The following WIF1 variants were observed in gnomAD, a reference collection of about 807,000 sequenced individuals.
The protein encoded by WIF1 is Wnt inhibitory factor 1.
A neutral mutation model predicts 53.5 loss-of-function variants in WIF1; 35 were observed. That is an observed-to-expected ratio of 0.65 (90% CI 0.50 to 0.87). The LOEUF is 0.87. Among genes scored for constraint, WIF1 ranks in the 40% least tolerant of loss-of-function variants. The pLI, the probability that WIF1 is intolerant of heterozygous loss-of-function variation, is 0.00. For synonymous variants in WIF1, 171 were observed against 170.4 expected (o/e 1.00, Z -0.03); for missense variants, 467 against 476.8 (o/e 0.98, Z 0.19).
chr12:65,099,342 A>C (rs1883247423), intron 2 of WIF1, among the ~76,000 whole-genome samples: 2 of 152,084 alleles, frequency 1.3e-5, no homozygotes, highest in South Asian at 4.1e-4. Flanking sequence ...AGACCTGCCC[A>C]TTTCCCTCCT....
chr12:65,090,999 A>G (rs942232712), intron 2 of WIF1, among the ~76,000 whole-genome samples: 5 of 152,154 alleles, frequency 3.3e-5, no homozygotes, highest in African/African-American at 7.2e-5. Context: ...AAGGTTCAGA[A>G]TGAAAGCAGG....
chr12:65,065,946 A>G (rs949942326), intron 6 of WIF1, among the ~76,000 whole-genome samples: 1 of 152,142 alleles, frequency 6.6e-6, no homozygotes, highest in Admixed American at 6.6e-5. Flanking sequence ...TCTCTCTGGG[A>G]TGTGATTTGT....
chr12:65,061,495 T>C (rs1367908838), intron 7 of WIF1, among the ~76,000 whole-genome samples: 1 of 152,192 alleles, frequency 6.6e-6, no homozygotes. Context: ...GCTTTGGTGC[T>C]ATCTGTTCTT....
At chr12:65,101,481 G>T (rs530980214) in intron 2 of WIF1, among the ~76,000 whole-genome samples, 1 of 152,220 alleles carries the variant, frequency 6.6e-6, no homozygotes, top group East Asian at 1.9e-4. Context: ...AGCCAATAGA[G>T]AAACCAGGCA....
chr12:65,056,995 C>T (rs1230973072), intron 7 of WIF1, among the ~76,000 whole-genome samples: 1 of 152,094 alleles, frequency 6.6e-6, no homozygotes, highest in African/African-American at 2.4e-5. Flanking sequence ...TAAGTCTATA[C>T]CTGTACCTGA....
intron 9 of WIF1, among the ~76,000 whole-genome samples, chr12:65,053,938 C>T (rs1246810870): frequency 6.6e-6 from 1 of 151,846 alleles, no homozygotes; most frequent in African/African-American, 2.4e-5. Flanking sequence ...TTTCCACACT[C>T]ACTGGGTTGC....
intron 2 of WIF1, among the ~76,000 whole-genome samples, chr12:65,118,186 A>G (rs956279370): frequency 7.9e-5 from 12 of 152,232 alleles, no homozygotes; most frequent in African/African-American, 2.9e-4. Context: ...AATATTTGAT[A>G]TCATTTGGAT....
intron 6 of WIF1, 21 bp from the exon 7 acceptor site, chr12:65,062,597 G>A (rs747520951): frequency 6.3e-7 from 1 of 1,587,652 alleles, no homozygotes; most frequent in Non-Finnish European, 8.6e-7. Flanking sequence ...GAGTAACAGG[G>A]GTGTTGCATT....
chr12:65,087,238 CT>C (rs2136627614), intron 2 of WIF1, among the ~76,000 whole-genome samples: 1 of 152,258 alleles, frequency 6.6e-6, no homozygotes, highest in Admixed American at 6.5e-5. Context: ...ATCTAATTCC[CT>C]TGTTCTCTCC....
At chr12:65,096,100 A>C (rs948897516) in intron 2 of WIF1, among the ~76,000 whole-genome samples, 4 of 152,202 alleles carry the variant, frequency 2.6e-5, no homozygotes, top group Non-Finnish European at 5.9e-5. Context: ...AATGGGAGAA[A>C]ATTTTTGCAA....
chr12:65,067,145 T>C (rs1882698480), intron 5 of WIF1, among the ~76,000 whole-genome samples: 1 of 152,154 alleles, frequency 6.6e-6, no homozygotes. Context: ...ATTTTTTAAC[T>C]GTCTCTCACA....
At chr12:65,077,067 A>G (rs1036668652) in intron 3 of WIF1, among the ~76,000 whole-genome samples, 1 of 152,118 alleles carries the variant, frequency 6.6e-6, no homozygotes, top group Non-Finnish European at 1.5e-5. Flanking sequence ...GCTTATTACT[A>G]TCCTAATATT....
At chr12:65,090,862 G>T (rs1229613573) in intron 2 of WIF1, among the ~76,000 whole-genome samples, 1 of 152,090 alleles carries the variant, frequency 6.6e-6, no homozygotes, top group African/African-American at 2.4e-5. Flanking sequence ...GGTGCAGTGT[G>T]GTAGCAGGAG....
chr12:65,072,218 A>G (rs1254296475), intron 3 of WIF1, among the ~76,000 whole-genome samples: 1 of 152,156 alleles, frequency 6.6e-6, no homozygotes, highest in Non-Finnish European at 1.5e-5. Context: ...TGTGTGGTGC[A>G]CATCCACAAT....
rs1333221941 is a variant in WIF1 at position 65,081,957 on chromosome 12, G to A, written c.289-4103C>T. 2.6e-5 allele frequency among the ~76,000 whole-genome samples: 4 copies of A among 152,028 alleles called. No homozygotes were observed. The East Asian group carries it at 5.8e-4, about 22-fold the overall frequency. On this transcript the variant is annotated intron_variant, in intron 2 of 9. Coordinates refer to ENST00000286574, the MANE Select transcript of WIF1 (RefSeq NM_007191.5). ...GATGTTGACACTAACTTCTTTCAAA[G>A]TTTTACTTTGCCATTGTAAAGAAAT...
intron 3 of WIF1, among the ~76,000 whole-genome samples, chr12:65,076,285 C>A (rs868501832): frequency 9.9e-5 from 15 of 152,002 alleles, no homozygotes; most frequent in Non-Finnish European, 1.8e-4. Context: ...AATCCTCCCC[C>A]CTCGGCCCCC....
chr12:65,058,333 G>A (rs943140516), intron 7 of WIF1, among the ~76,000 whole-genome samples: 5 of 152,184 alleles, frequency 3.3e-5, no homozygotes, highest in Admixed American at 2.6e-4. Flanking sequence ...ACTCATATGT[G>A]AACTACTTGG....
intron 2 of WIF1, among the ~76,000 whole-genome samples, chr12:65,080,485 A>G (rs1388271641): frequency 1.3e-5 from 2 of 152,160 alleles, no homozygotes; most frequent in African/African-American, 4.8e-5. Flanking sequence ...AGGAAAACCA[A>G]TGACTATTAA....
intron 2 of WIF1, among the ~76,000 whole-genome samples, chr12:65,119,663 A>T (rs1056188599): frequency 6.6e-6 from 1 of 152,172 alleles, no homozygotes; most frequent in South Asian, 2.1e-4. Context: ...ATTGCTTACC[A>T]TTTGTCCTCT....
Sources: gnomAD v4.1 joint callset for allele counts (sites outside exome capture counted in the v4.1 genomes callset) on GRCh38, gnomAD v4.1.1 for gene constraint, MANE v1.5 for transcripts, NCBI Gene and HGNC (gene_info 2026-07-23, HGNC 2026-07-21) for gene names.